Variants in AGBL4 observed in about 807,000 individuals in gnomAD.
AGBL4 encodes the protein cytosolic carboxypeptidase 6.
AGBL4 carries 58 observed loss-of-function variants against 66.4 expected under a neutral mutation model. That is an observed-to-expected ratio of 0.87 (90% CI 0.71 to 1.09). The LOEUF is 1.09. Among genes scored for constraint, AGBL4 ranks in the 50% least tolerant of loss-of-function variants. The pLI, the probability that AGBL4 is intolerant of heterozygous loss-of-function variation, is 0.00. For missense variants in AGBL4, 579 were observed against 631.0 expected (o/e 0.92, Z 0.88); for synonymous variants, 234 against 222.9 (o/e 1.05, Z -0.44).
At chr1:49,323,448 ATTTTTTTTTTTT>A (rs11295329) in intron 3 of AGBL4, among the ~76,000 whole-genome samples, 2 of 114,888 alleles carry the variant, frequency 1.7e-5, no homozygotes, top group Non-Finnish European at 3.6e-5. Flanking sequence ...TGCCTGGCTA[ATTTTTTTTTTTT>A]TTTTTTTTTT....
chr1:49,294,521 C>G (rs1476280241), intron 3 of AGBL4, among the ~76,000 whole-genome samples: 1 of 152,196 alleles, frequency 6.6e-6, no homozygotes, highest in African/African-American at 2.4e-5. Context: ...CAAACTGATT[C>G]TCTCTGCCAA....
intron 9 of AGBL4, among the ~76,000 whole-genome samples, chr1:48,609,470 G>T (rs189909537): frequency 6.6e-6 from 1 of 152,296 alleles, no homozygotes; most frequent in Admixed American, 6.5e-5. Flanking sequence ...TGCCAAGGCT[G>T]GAGTGCAGGG....
intron 5 of AGBL4, among the ~76,000 whole-genome samples, chr1:49,036,111 TA>T (rs963114114): frequency 6.0e-5 from 9 of 150,598 alleles, no homozygotes; most frequent in African/African-American, 9.8e-5. Flanking sequence ...CTCCTGAATC[TA>T]AAAAAACATT....
At chr1:49,357,787 C>T (rs900997054) in intron 3 of AGBL4, among the ~76,000 whole-genome samples, 8 of 152,186 alleles carry the variant, frequency 5.3e-5, no homozygotes, top group Non-Finnish European at 1.2e-4. Flanking sequence ...AGAAACAGTA[C>T]TTGGCACTCA....
rs142814027 is a variant in AGBL4 at position 49,746,564 on chromosome 1, ATTCAC to A, written c.158-49132_158-49128del. Among the ~76,000 whole-genome samples, 16 of 152,138 alleles carry A rather than the reference ATTCAC, an allele frequency of 1.1e-4. No individual in the cohort carries two copies. In the East Asian group the frequency reaches 3.1e-3, roughly 29 times the overall value. ...TAGGTCTTTTATTTTTATATTTAGAATTCACTTCAATCTCCCAAGTAGCACCATGA... is the reference window on the plus strand; with the variant it reads ...TAGGTCTTTTATTTTTATATTTAGAATTCAATCTCCCAAGTAGCACCATGA... On this transcript the variant is annotated intron_variant, in intron 2 of 13. Coordinates refer to ENST00000371839, the MANE Select transcript of AGBL4 (RefSeq NM_032785.4).
At chr1:49,233,878 T>C (rs187980335) in intron 4 of AGBL4, among the ~76,000 whole-genome samples, 3 of 152,332 alleles carry the variant, frequency 2.0e-5, no homozygotes, top group Admixed American at 2.0e-4. Context: ...CAAATTCCTT[T>C]TGTTGGATGT....
chr1:48,575,469 C>T (rs1269139182), intron 11 of AGBL4, among the ~76,000 whole-genome samples: 1 of 152,222 alleles, frequency 6.6e-6, no homozygotes, highest in Admixed American at 6.5e-5. Flanking sequence ...CTGCCCGCTG[C>T]TGCCACAGTG....
chr1:49,762,128 T>C (rs1453911974), intron 2 of AGBL4, among the ~76,000 whole-genome samples: 2 of 152,188 alleles, frequency 1.3e-5, no homozygotes, highest in Non-Finnish European at 2.9e-5. Context: ...GGCATTTCTA[T>C]TTTTAATTTT....
intron 5 of AGBL4, among the ~76,000 whole-genome samples, chr1:48,926,861 ATAG>A (rs1654621216): frequency 6.6e-6 from 1 of 152,276 alleles, no homozygotes; most frequent in Admixed American, 6.5e-5. Context: ...GTTAGTAGCA[ATAG>A]TAGTAGTAGC....
At chr1:48,964,749 A>G (rs571424872) in intron 5 of AGBL4, among the ~76,000 whole-genome samples, 5 of 152,190 alleles carry the variant, frequency 3.3e-5, no homozygotes, top group Non-Finnish European at 5.9e-5. Context: ...ACATACATAC[A>G]TACATACATA....
In AGBL4 at chr1:48,730,345, C is replaced by T. The variant is rs557939004; in HGVS notation, c.635-67104G>A. Among the ~76,000 whole-genome samples the T allele has an allele frequency of 6.6e-5, 10 of 152,272 alleles. No individual in the cohort carries two copies. The East Asian group carries it at 1.9e-3, about 29-fold the overall frequency. ...TGAGATATTCGTATCTGATTCTAAC[C>T]CTAGATGCTGTGCAACCTCTAGGGG... On this transcript the variant is annotated intron_variant, in intron 6 of 13. Coordinates refer to ENST00000371839, the MANE Select transcript of AGBL4 (RefSeq NM_032785.4).
chr1:48,625,785 A>G (rs1645493532), intron 9 of AGBL4, among the ~76,000 whole-genome samples: 1 of 152,180 alleles, frequency 6.6e-6, no homozygotes, highest in Admixed American at 6.5e-5. Context: ...AAATTGAAGG[A>G]GGCAACCTGC....
rs143844513 is a variant in AGBL4 at position 49,758,768 on chromosome 1, T to A, written c.158-61331A>T. 6.0e-3 allele frequency among the ~76,000 whole-genome samples: 919 copies of A among 152,206 alleles called. 9 individuals are homozygous for A. The highest frequency in any genetic ancestry group is 0.021 in the African/African-American group (854 of 41,526). On this transcript the variant is annotated intron_variant, in intron 2 of 13. Transcript: ENST00000371839. Reference sequence around the variant, plus strand: ...AAGGGGCTTCTCTCAGATAAAACTTTGGCCTTGGACTTTTGAGTTAATGCT... The same window carrying A: ...AAGGGGCTTCTCTCAGATAAAACTTAGGCCTTGGACTTTTGAGTTAATGCT...
At chr1:48,848,810 A>G (rs746669829) in intron 6 of AGBL4, among the ~76,000 whole-genome samples, 2 of 152,196 alleles carry the variant, frequency 1.3e-5, no homozygotes, top group African/African-American at 2.4e-5. Flanking sequence ...AGAAATGTCA[A>G]CGTTCAATGG....
intron 3 of AGBL4, among the ~76,000 whole-genome samples, chr1:49,655,347 T>C (rs1355168813): frequency 6.6e-6 from 1 of 152,196 alleles, no homozygotes; most frequent in Non-Finnish European, 1.5e-5. Context: ...TAACCCAACC[T>C]TTCTCTCTGG....
At chr1:49,497,245 C>T (rs966157705) in intron 3 of AGBL4, among the ~76,000 whole-genome samples, 1 of 151,800 alleles carries the variant, frequency 6.6e-6, no homozygotes, top group African/African-American at 2.4e-5. Flanking sequence ...CTATTGAGTT[C>T]CTTACATATT....
At chr1:49,062,068 A>C (rs1043701777) in intron 4 of AGBL4, among the ~76,000 whole-genome samples, 4 of 152,136 alleles carry the variant, frequency 2.6e-5, no homozygotes, top group Non-Finnish European at 4.4e-5. Flanking sequence ...CTTTGCATGC[A>C]AGGGATCTAG....
intron 1 of AGBL4, among the ~76,000 whole-genome samples, chr1:49,856,807 A>G (rs1646444576): frequency 6.6e-6 from 1 of 152,090 alleles, no homozygotes; most frequent in Non-Finnish European, 1.5e-5. Flanking sequence ...TATTTCCTCT[A>G]AGAACAGAAC....
intron 2 of AGBL4, among the ~76,000 whole-genome samples, chr1:49,792,296 T>G (rs1644620063): frequency 6.6e-6 from 1 of 152,002 alleles, no homozygotes. Context: ...TTAGCATAGC[T>G]TCCTGATAGA....
Sources: allele counts gnomAD v4.1 joint callset (sites outside exome capture counted in the v4.1 genomes callset), GRCh38; gene constraint gnomAD v4.1.1; transcripts MANE v1.5; gene names NCBI Gene and HGNC (gene_info 2026-07-23, HGNC 2026-07-21).